The following SLC5A8 variants were observed in gnomAD, a reference collection of about 807,000 sequenced individuals.
SLC5A8 encodes the protein solute carrier family 5 member 8, also known as sodium-coupled monocarboxylate transporter 1.
Under a neutral mutation model 71.9 loss-of-function variants are expected in SLC5A8, and 55 were observed. That is an observed-to-expected ratio of 0.77 (90% CI 0.62 to 0.96). The LOEUF (loss-of-function observed/expected upper bound fraction) is 0.96. SLC5A8 is among the 40% of genes least tolerant of loss of function. SLC5A8 has a pLI of 0.00. For missense variants in SLC5A8, 701 were observed against 745.3 expected, an observed-to-expected ratio of 0.94 and a Z score of 0.69; for synonymous variants, 307 against 276.1, an observed-to-expected ratio of 1.11 and a Z score of -1.11.
rs377381388 is a variant in SLC5A8 at position 101,168,201 on chromosome 12, G to T, written c.1234-19C>A. On this transcript the variant is annotated intron_variant, in intron 10 of 14. Coordinates refer to ENST00000536262, the MANE Select transcript of SLC5A8 (RefSeq NM_145913.5). ...GTGCTGCCTACAAAAATAATACAAC[G>T]TCAGCAATTAGCAATCTCAAATCGA... The T allele has an allele frequency of 5.7e-6, 9 of 1,579,386 alleles. No individual in the cohort carries two copies. The highest frequency in any genetic ancestry group is 7.7e-6 in the Non-Finnish European group (9 of 1,161,978).
At chr12:101,180,138 G>A (rs1244042091) in intron 9 of SLC5A8, 42 bp from the exon 10 acceptor site, 1 of 1,587,562 alleles carries the variant, frequency 6.3e-7, no homozygotes, top group East Asian at 2.2e-5. Context: ...TCCACACCCA[G>A]AGAATTAGAA....
chr12:101,209,674 G>T lies in SLC5A8; in HGVS notation c.175C>A (p.Leu59Met), dbSNP rs1335095064. 1 of 1,613,646 alleles carries T rather than the reference G, an allele frequency of 6.2e-7. No homozygotes were observed. Among genetic ancestry groups the T allele is most frequent in the African/African-American group, 1.3e-5 (1 of 74,952 alleles). Residue 59 changes from leucine to methionine, a missense_variant, in exon 1 of 15, where the codon CTG becomes ATG. By Grantham distance (15) the Leu-to-Met change is conservative. Transcript: ENST00000536262. ...GRRMTAVPVA[L>M]SLTASFMSAV... The stretch of plus-strand genomic sequence containing the variant: ...GACATGAAGCTAGCGGTGAGGGACA[G>T]CGCCACGGGCACTGCGGTCATTCTG...
At chr12:101,175,356 T>C (rs1167271658) in intron 10 of SLC5A8, among the ~76,000 whole-genome samples, 1 of 151,348 alleles carries the variant, frequency 6.6e-6, no homozygotes, top group African/African-American at 2.4e-5. Flanking sequence ...GTCATGAGAG[T>C]CCCAGAGGAA....
rs1458924162 is a variant in SLC5A8, at chr12:101,209,700, C to T, written c.149G>A (p.Arg50His). Residue 50 changes from arginine (R) to histidine (H), a missense_variant, in exon 1 of 15, where the codon CGC becomes CAC. Arg to His is a conservative substitution (Grantham distance 29). Coordinates refer to ENST00000536262, the MANE Select transcript of SLC5A8 (RefSeq NM_145913.5). ...QTSKDFLMGGRRMTAVPVALS... is the reference protein window; with the variant it reads ...QTSKDFLMGGHRMTAVPVALS... ...CGCCACGGGCACTGCGGTCATTCTG[C>T]GGCCGCCCATCAGGAAGTCCTTGGA... is the stretch of plus-strand genomic sequence containing the variant. 26 of 1,613,190 alleles carry T rather than the reference C, an allele frequency of 1.6e-5. No individual in the cohort carries two copies. Among genetic ancestry groups the T allele is most frequent in the South Asian group, 4.4e-5 (4 of 91,076 alleles).
At chr12:101,171,399 C>A (rs992311705) in intron 10 of SLC5A8, among the ~76,000 whole-genome samples, 1 of 152,090 alleles carries the variant, frequency 6.6e-6, no homozygotes, top group Non-Finnish European at 1.5e-5. Flanking sequence ...TCATTGTATA[C>A]CACACTCCAC....
chr12:101,192,593 A>G (rs955526903), intron 5 of SLC5A8, among the ~76,000 whole-genome samples: 1 of 152,222 alleles, frequency 6.6e-6, no homozygotes, highest in Non-Finnish European at 1.5e-5. Flanking sequence ...TGAAATATCT[A>G]GTCTCTTCAT....
chr12:101,187,682 C>T (rs1465458312), intron 6 of SLC5A8, among the ~76,000 whole-genome samples, 167 bp from the exon 7 acceptor site: 2 of 152,170 alleles, frequency 1.3e-5, no homozygotes, highest in Admixed American at 6.5e-5. Flanking sequence ...TAATATTCTG[C>T]TTATGATACC....
Position 101,207,118 on chromosome 12 carries a change from T to A in SLC5A8, c.351+2380A>T, listed in dbSNP as rs546928613. On this transcript the variant is annotated intron_variant, in intron 1 of 14. Coordinates refer to ENST00000536262, the MANE Select transcript of SLC5A8 (RefSeq NM_145913.5). ...ATGACCAATTGGGAGGGTCTTAGCA[T>A]GTTGCCTAACTTCCCCGTTCCCAAC... Among the ~76,000 whole-genome samples, 13 of 152,210 alleles carry A rather than the reference T, an allele frequency of 8.5e-5. No individual in the cohort carries two copies. The South Asian group carries it at 1.9e-3, about 22-fold the overall frequency.
At chr12:101,162,211 A>G in intron 12 of SLC5A8, 134 bp from the exon 13 acceptor site, 1 of 616,938 alleles carries the variant, frequency 1.6e-6, no homozygotes, top group Non-Finnish European at 2.9e-6. Context: ...CTGCTGTCCT[A>G]ATTTTATCTT....
At chr12:101,179,603 A>G (rs1363253101) in intron 10 of SLC5A8, among the ~76,000 whole-genome samples, 6 of 152,202 alleles carry the variant, frequency 3.9e-5, no homozygotes. Flanking sequence ...AATGGAAAAC[A>G]GATTAGTTGT....
intron 12 of SLC5A8, 47 bp downstream of exon 12, chr12:101,166,447 T>C: frequency 6.6e-7 from 1 of 1,519,862 alleles, no homozygotes; most frequent in Non-Finnish European, 8.9e-7. Context: ...TCTCTACTTG[T>C]TGCGTAAATT....
rs2051670068 is a variant in SLC5A8 at position 101,157,004 on chromosome 12, T to A, written c.*275A>T. On this transcript the variant is annotated 3_prime_UTR_variant, in exon 15 of 15. Transcript: ENST00000536262. Reference sequence around the variant, plus strand: ...ACATGTGCATATGTGTGTATTAGCCTTTCAGCATCTATGTAGTTACAATTT... The same window carrying A: ...ACATGTGCATATGTGTGTATTAGCCATTCAGCATCTATGTAGTTACAATTT... The A allele has an allele frequency of 2.8e-6, 1 of 357,296 alleles. No individual in the cohort carries two copies. Among genetic ancestry groups the A allele is most frequent in the African/African-American group, 2.0e-5 (1 of 48,894 alleles). 22.1% of individuals were successfully genotyped at this position (357,296 alleles called of 1,614,324 possible).
At chr12:101,162,574 C>A (rs1408816669) in intron 12 of SLC5A8, among the ~76,000 whole-genome samples, 1 of 152,150 alleles carries the variant, frequency 6.6e-6, no homozygotes, top group African/African-American at 2.4e-5. Context: ...GAAAAAAGAA[C>A]AAAATCATGT....
intron 10 of SLC5A8, among the ~76,000 whole-genome samples, chr12:101,178,885 G>T (rs1206927557): frequency 2.7e-5 from 4 of 150,624 alleles, no homozygotes; most frequent in Non-Finnish European, 4.4e-5. Flanking sequence ...TACTGTGTAA[G>T]AAAATATTTG....
At chr12:101,161,573 C>T (rs2051723634) in intron 13 of SLC5A8, among the ~76,000 whole-genome samples, 1 of 152,120 alleles carries the variant, frequency 6.6e-6, no homozygotes, top group African/African-American at 2.4e-5. Context: ...ATGTAAAGAT[C>T]ACAGCATATT....
At chr12:101,183,322 G>A (rs2712629) in intron 8 of SLC5A8, among the ~76,000 whole-genome samples, 39,694 of 151,906 alleles carry the variant, frequency 0.26, 5,651 homozygotes, top group East Asian at 0.53. Context: ...TGGGATTACA[G>A]GCGTGAGCCA....
chr12:101,171,111 T>C (rs2051825870), intron 10 of SLC5A8, among the ~76,000 whole-genome samples: 1 of 152,156 alleles, frequency 6.6e-6, no homozygotes, highest in African/African-American at 2.4e-5. Context: ...TTCTCAGAGT[T>C]TAGGGGATCC....
At chr12:101,159,919 C>T (rs925243237) in intron 13 of SLC5A8, among the ~76,000 whole-genome samples, 3 of 152,166 alleles carry the variant, frequency 2.0e-5, no homozygotes, top group East Asian at 1.9e-4. Flanking sequence ...TGGTGGCTCA[C>T]GCCTGTAATC....
In SLC5A8 at chr12:101,195,137, C is replaced by G. The variant is rs200010622; in HGVS notation, c.495G>C (p.Ala165=). ...NQVTGFDLWG[A]VVATGVVCTF... is the part of the protein sequence containing the mutation. ...TGCAGACCACCCCCGTTGCCACTACCGCGCCCCACAGATCAAATCCTGTGA... is the reference window on the plus strand; with the variant it reads ...TGCAGACCACCCCCGTTGCCACTACGGCGCCCCACAGATCAAATCCTGTGA... Residue 165 remains alanine (A), a synonymous_variant, in exon 4 of 15, where the codon GCG becomes GCC. Transcript: ENST00000536262. The G allele has an allele frequency of 6.2e-7, 1 of 1,614,018 alleles. No individual in the cohort carries two copies. The highest frequency in any genetic ancestry group is 2.2e-5 in the East Asian group (1 of 44,888).
Sources: gnomAD v4.1 joint callset for allele counts (sites outside exome capture counted in the v4.1 genomes callset) on GRCh38, gnomAD v4.1.1 for gene constraint, MANE v1.5 for transcripts, NCBI Gene and HGNC (gene_info 2026-07-23, HGNC 2026-07-21) for gene names.